MAGOHB: variants seen among roughly 807,000 people sequenced by gnomAD.
The protein encoded by MAGOHB is mago homolog B, exon junction complex subunit.
A neutral mutation model predicts 20.9 loss-of-function variants in MAGOHB; 15 were observed. That is an observed-to-expected ratio of 0.72 (90% confidence interval 0.48 to 1.11). MAGOHB has a LOEUF of 1.11. Ranked by LOEUF, MAGOHB falls within the 50% of genes least tolerant of loss-of-function variation. MAGOHB has a pLI of 0.00. For missense variants in MAGOHB, 162 were observed against 177.6 expected, an observed-to-expected ratio of 0.91 and a Z score of 0.50; for synonymous variants, 50 against 57.9, an observed-to-expected ratio of 0.86 and a Z score of 0.62.
At chr12:10,608,431 A>C (rs1358606533) in intron 3 of MAGOHB, 2 of 152,194 alleles carry the variant, frequency 1.3e-5, no homozygotes, top group Non-Finnish European at 2.9e-5. Flanking sequence ...TAATCTTGAA[A>C]ATAACCTTAC....
Position 10,604,263 on chromosome 12 carries a change from T to C in MAGOHB, c.*2012A>G, listed in dbSNP as rs1343857729. ...TAACCTGAGCGCAATAAAAATCTAG[T>C]TTCATATAAAACTAGTATTATACAA... On this transcript the variant is annotated 3_prime_UTR_variant, in exon 5 of 5. Coordinates refer to ENST00000320756, the MANE Select transcript of MAGOHB (RefSeq NM_018048.5). 6.6e-6 allele frequency: 1 copy of C among 152,200 alleles called. No homozygotes were observed. The highest frequency in any genetic ancestry group is 2.4e-5 in the African/African-American group (1 of 41,452). 9.4% of individuals were successfully genotyped at this position (152,200 alleles called of 1,614,324 possible).
rs1409233949 is a variant in MAGOHB at position 10,604,866 on chromosome 12, G to A, written c.*1409C>T. 6.6e-6 allele frequency: 1 copy of A among 152,120 alleles called. No individual in the cohort carries two copies. Among genetic ancestry groups the A allele is most frequent in the Non-Finnish European group, 1.5e-5 (1 of 68,016 alleles). The allele number at this position is 152,120 out of a possible 1,614,324, so 9.4% of individuals were successfully genotyped here. On this transcript the variant is annotated 3_prime_UTR_variant, in exon 5 of 5. Transcript: ENST00000320756. Reference sequence around the variant, plus strand: ...CCATCTAGTGCTCCATGGCAAACAGGTTACCAAGCCATGCTCTAGAGCTAT... The same window carrying A: ...CCATCTAGTGCTCCATGGCAAACAGATTACCAAGCCATGCTCTAGAGCTAT...
At chr12:10,611,832 T>G (rs1865748322) in intron 1 of MAGOHB, among the ~76,000 whole-genome samples, 1 of 147,500 alleles carries the variant, frequency 6.8e-6, no homozygotes, top group African/African-American at 2.5e-5. Context: ...TGTGTAACAG[T>G]GTAGTGGCAG....
At chr12:10,609,268 T>G (rs1462216590) in intron 3 of MAGOHB, 1 of 355,250 alleles carries the variant, frequency 2.8e-6, no homozygotes, top group East Asian at 7.4e-5. Context: ...TTCCAGGGGT[T>G]GTTGAAGGAA....
At position 10,604,661 on chromosome 12, in the gene MAGOHB, C is replaced by A. The variant is rs1479414600; in HGVS notation, c.*1614G>T. The stretch of plus-strand genomic sequence containing the variant: ...TGTTTCTGAGGTTGACATCTAAATG[C>A]AAGAAAATTACAATACGATTTCATA... On this transcript the variant is annotated 3_prime_UTR_variant, in exon 5 of 5. Coordinates refer to ENST00000320756, the MANE Select transcript of MAGOHB (RefSeq NM_018048.5). 1 of 152,148 alleles carries A rather than the reference C, an allele frequency of 6.6e-6. No homozygotes were observed. Among genetic ancestry groups the A allele is most frequent in the East Asian group, 1.9e-4 (1 of 5,196 alleles). The allele number at this position is 152,148 out of a possible 1,614,324, so 9.4% of individuals were successfully genotyped here. A position where few individuals can be genotyped will look rare whatever the true frequency, so the allele number is the denominator to read the frequency against.
rs373367118 is a variant in MAGOHB, at chr12:10,609,863, A to G, written c.232T>C (p.Leu78=). Residue 78 remains leucine, a synonymous_variant, in exon 3 of 5, where the codon TTG becomes CTG. Coordinates refer to ENST00000320756, the MANE Select transcript of MAGOHB (RefSeq NM_018048.5). ...CCAACCCTATCAGGGGGAGGCCACA[A>G]AGCATCATCTTCTTTTGTAATTTCA... ...DSEITKEDDA[L]WPPPDRVGRQ... is the part of the protein sequence containing the mutation. 8 of 1,613,220 alleles carry G rather than the reference A, an allele frequency of 5.0e-6. No homozygotes were observed. In the African/African-American group the frequency reaches 1.1e-4, roughly 22 times the overall value.
downstream of MAGOHB, among the ~76,000 whole-genome samples, chr12:10,602,810 C>T (rs1865565348): frequency 6.6e-6 from 1 of 152,174 alleles, no homozygotes; most frequent in South Asian, 2.1e-4. Flanking sequence ...CTTCTAGTCA[C>T]ACCTTCAAAC....
At chr12:10,602,532 T>C (rs912099593), downstream of MAGOHB, among the ~76,000 whole-genome samples, 3 of 152,210 alleles carry the variant, frequency 2.0e-5, no homozygotes, top group African/African-American at 7.2e-5. Context: ...GCCTTTTGAT[T>C]AAAGAGGCAC....
intron 1 of MAGOHB, among the ~76,000 whole-genome samples, chr12:10,611,463 G>T (rs1865735149): frequency 1.3e-5 from 2 of 152,018 alleles, no homozygotes; most frequent in South Asian, 4.1e-4. Context: ...TTGATGGCTT[G>T]GCACCAGGCA....
chr12:10,608,987 T>C (rs1381928114), intron 3 of MAGOHB: 1 of 154,004 alleles, frequency 6.5e-6, no homozygotes, highest in Non-Finnish European at 1.4e-5. Context: ...AAAGGTTAGC[T>C]GCTGTGGTTT....
rs563622840 is a variant in MAGOHB, at chr12:10,605,489, T to C, written c.*786A>G. The C allele has an allele frequency of 2.4e-4, 36 of 152,146 alleles. No homozygotes were observed. The highest frequency in any genetic ancestry group is 4.4e-4 in the Non-Finnish European group (30 of 67,974). The allele number at this position is 152,146 out of a possible 1,614,324, so 9.4% of individuals were successfully genotyped here. The stretch of plus-strand genomic sequence containing the variant: ...AAAGAGGAAATCTATCAGAAAGAGG[T>C]TGAAAGGAACTGGGAAACTGAAGTG... On this transcript the variant is annotated 3_prime_UTR_variant, in exon 5 of 5. Coordinates refer to ENST00000320756, the MANE Select transcript of MAGOHB (RefSeq NM_018048.5).
intron 1 of MAGOHB, among the ~76,000 whole-genome samples, chr12:10,612,025 C>T (rs1180414561): frequency 1.3e-5 from 2 of 151,792 alleles, no homozygotes; most frequent in Admixed American, 6.6e-5. Context: ...TTTATGGGGA[C>T]GGTAAGGTTA....
chr12:10,609,767 G>A (rs538906170), intron 3 of MAGOHB, 64 bp downstream of exon 3: 41 of 1,022,814 alleles, frequency 4.0e-5, no homozygotes, highest in Non-Finnish European at 5.1e-5. Flanking sequence ...AATAAATAAC[G>A]GGAAACAAAA....
At chr12:10,611,073 G>A (rs1865725844) in intron 1 of MAGOHB, among the ~76,000 whole-genome samples, 1 of 151,904 alleles carries the variant, frequency 6.6e-6, no homozygotes. Context: ...CCAAAAATCG[G>A]GTTTTATTCT....
At chr12:10,599,835 AAAGAT>A (rs1248301360), downstream of MAGOHB, among the ~76,000 whole-genome samples, 1 of 152,202 alleles carries the variant, frequency 6.6e-6, no homozygotes, top group Non-Finnish European at 1.5e-5. Context: ...TGAGGGCTGA[AAAGAT>A]AAAATTTTGT....
At chr12:10,611,826 TA>T (rs1288600379) in intron 1 of MAGOHB, among the ~76,000 whole-genome samples, 1 of 149,778 alleles carries the variant, frequency 6.7e-6, no homozygotes, top group Non-Finnish European at 1.5e-5. Context: ...GAAGTATGTG[TA>T]ACAGTGTAGT....
At position 10,613,572 on chromosome 12, in the gene MAGOHB, G is replaced by T; in HGVS notation, c.-40C>A. 7.2e-7 allele frequency: 1 copy of T among 1,387,044 alleles called. No individual in the cohort carries two copies. Among genetic ancestry groups the T allele is most frequent in the Non-Finnish European group, 1.0e-6 (1 of 972,822 alleles). 85.9% of individuals were successfully genotyped at this position (1,387,044 alleles called of 1,614,324 possible). On this transcript the variant is annotated 5_prime_UTR_variant, in exon 1 of 5. Transcript: ENST00000320756. The stretch of plus-strand genomic sequence containing the variant: ...AGCCCGCCGAAAACGCAGCCAACGT[G>T]TCCCCCGGCGCCTTGCAGTGACGTC...
At chr12:10,609,609 G>C in intron 3 of MAGOHB, 2 of 536,632 alleles carry the variant, frequency 3.7e-6, no homozygotes, top group Non-Finnish European at 6.6e-6. Context: ...GGTGACTACA[G>C]AGAAAGATGT....
chr12:10,613,187 A>G (rs1409567954), intron 1 of MAGOHB, among the ~76,000 whole-genome samples: 1 of 152,200 alleles, frequency 6.6e-6, no homozygotes, highest in Non-Finnish European at 1.5e-5. Context: ...GACGATCTAG[A>G]GTCCCTTCTG....
Sources: allele counts gnomAD v4.1 joint callset (sites outside exome capture counted in the v4.1 genomes callset), GRCh38; gene constraint gnomAD v4.1.1; transcripts MANE v1.5; gene names NCBI Gene and HGNC (gene_info 2026-07-23, HGNC 2026-07-21).